PLCXD3: variants seen among roughly 807,000 people sequenced by gnomAD.
PLCXD3 encodes PI-PLC X domain-containing protein 3.
Under a neutral mutation model 25.5 loss-of-function variants are expected in PLCXD3, and 19 were observed. The observed-to-expected ratio is 0.75, with a 90% CI of 0.52 to 1.09. The LOEUF (loss-of-function observed/expected upper bound fraction) is 1.09, where lower values mean the gene tolerates loss of function less well. Among genes scored for constraint, PLCXD3 ranks in the 50% least tolerant of loss-of-function variants. The pLI, the probability that PLCXD3 is intolerant of heterozygous loss-of-function variation, is 0.00. For synonymous variants in PLCXD3, 174 were observed against 137.6 expected, an observed-to-expected ratio of 1.26 and a Z score of -1.85; for missense variants, 411 against 388.1, an observed-to-expected ratio of 1.06 and a Z score of -0.50.
chr5:41,484,315 T>G (rs1486834808), intron 1 of PLCXD3, among the ~76,000 whole-genome samples: 1 of 151,938 alleles, frequency 6.6e-6, no homozygotes. Flanking sequence ...CATTGAACAA[T>G]TTGGACCAAA....
At chr5:41,349,565 G>C (rs1744394263) in intron 2 of PLCXD3, among the ~76,000 whole-genome samples, 1 of 152,160 alleles carries the variant, frequency 6.6e-6, no homozygotes, top group African/African-American at 2.4e-5. Context: ...CTTCATGCAG[G>C]ATGTGGAGTT....
chr5:41,376,275 G>A (rs142768861), intron 2 of PLCXD3, among the ~76,000 whole-genome samples: 3 of 152,022 alleles, frequency 2.0e-5, no homozygotes, highest in Non-Finnish European at 4.4e-5. Context: ...GTCAAACCAT[G>A]TCAGCAATTT....
At chr5:41,493,913 C>A (rs1748768687) in intron 1 of PLCXD3, among the ~76,000 whole-genome samples, 1 of 152,234 alleles carries the variant, frequency 6.6e-6, no homozygotes, top group African/African-American at 2.4e-5. Context: ...CCTCGCCCTG[C>A]TTCGGCTCGC....
In PLCXD3 at chr5:41,312,713, C is replaced by CTTCCTTCG. The variant is rs1743169964; in HGVS notation, c.*903_*904insCGAAGGAA. 2 of 146,110 alleles carry CTTCCTTCG rather than the reference C, an allele frequency of 1.4e-5. No homozygotes were observed. The highest frequency in any genetic ancestry group is 4.4e-4 in the South Asian group (2 of 4,550). The allele number at this position is 146,110 out of a possible 1,614,324, so 9.1% of individuals were successfully genotyped here. ...CCTTCCTTCCTTCCTTCCTTCCTTCCTTCCTTCCTTCCTTCCTTCCTTCTG... is the reference window on the plus strand; with the variant it reads ...CCTTCCTTCCTTCCTTCCTTCCTTCCTTCCTTCGTTCCTTCCTTCCTTCCTTCCTTCTG... On this transcript the variant is annotated 3_prime_UTR_variant, in exon 3 of 3. Coordinates refer to ENST00000377801, the MANE Select transcript of PLCXD3 (RefSeq NM_001005473.3).
chr5:41,463,607 C>T (rs375937003), intron 1 of PLCXD3, among the ~76,000 whole-genome samples: 1 of 152,028 alleles, frequency 6.6e-6, no homozygotes, highest in South Asian at 2.1e-4. Flanking sequence ...TATTTTCTTT[C>T]CATTACTAAT....
intron 2 of PLCXD3, among the ~76,000 whole-genome samples, chr5:41,376,742 G>A (rs1197210051): frequency 2.0e-5 from 3 of 152,014 alleles, no homozygotes; most frequent in Non-Finnish European, 4.4e-5. Flanking sequence ...TCTCCAATTT[G>A]TATTTAGGTA....
chr5:41,387,821 C>T (rs570600255), intron 1 of PLCXD3, among the ~76,000 whole-genome samples: 128 of 152,190 alleles, frequency 8.4e-4, no homozygotes, highest in African/African-American at 2.8e-3. Flanking sequence ...TTCTCATCCT[C>T]ATAAATTTAC....
intron 2 of PLCXD3, among the ~76,000 whole-genome samples, chr5:41,322,512 A>C (rs1354616121): frequency 6.6e-6 from 1 of 152,204 alleles, no homozygotes; most frequent in Non-Finnish European, 1.5e-5. Flanking sequence ...TTCTTCAAAA[A>C]ACTGAAAATC....
At chr5:41,446,490 A>G (rs891847945) in intron 1 of PLCXD3, among the ~76,000 whole-genome samples, 2 of 152,090 alleles carry the variant, frequency 1.3e-5, no homozygotes, top group Non-Finnish European at 2.9e-5. Context: ...CATACTGGCA[A>G]ATGTAGCCTA....
At chr5:41,328,475 G>A (rs1014039407) in intron 2 of PLCXD3, among the ~76,000 whole-genome samples, 2 of 152,226 alleles carry the variant, frequency 1.3e-5, no homozygotes, top group African/African-American at 4.8e-5. Flanking sequence ...ATTTGGGGAA[G>A]TATTCTTGGA....
At chr5:41,367,357 T>C (rs906977130) in intron 2 of PLCXD3, among the ~76,000 whole-genome samples, 3 of 152,202 alleles carry the variant, frequency 2.0e-5, no homozygotes, top group Non-Finnish European at 2.9e-5. Flanking sequence ...TGGTATCTCA[T>C]TGTGGTTTTG....
intron 2 of PLCXD3, among the ~76,000 whole-genome samples, chr5:41,355,052 T>C (rs1299825080): frequency 6.6e-6 from 1 of 152,184 alleles, no homozygotes; most frequent in African/African-American, 2.4e-5. Flanking sequence ...AAATCTTCCA[T>C]CTGAATATAG....
At chr5:41,400,609 T>A (rs1391820863) in intron 1 of PLCXD3, among the ~76,000 whole-genome samples, 2 of 152,032 alleles carry the variant, frequency 1.3e-5, no homozygotes, top group Non-Finnish European at 2.9e-5. Flanking sequence ...CACTGCATGT[T>A]CTTACTTGTA....
chr5:41,336,576 C>G lies in PLCXD3; in HGVS notation c.813-22806G>C, dbSNP rs143783688. On this transcript the variant is annotated intron_variant, in intron 2 of 2. Coordinates refer to ENST00000377801, the MANE Select transcript of PLCXD3 (RefSeq NM_001005473.3). ...TGATGAGCCTCCCAGAGCTTCCCTT[C>G]CAGATGGAGAGTGCTCATTCTTCTA... 4.5e-3 allele frequency among the ~76,000 whole-genome samples: 686 copies of G among 152,250 alleles called. 6 individuals carry two copies. Among genetic ancestry groups the G allele is most frequent in the African/African-American group, 0.015 (641 of 41,570 alleles).
intron 2 of PLCXD3, among the ~76,000 whole-genome samples, chr5:41,352,308 A>G (rs1744485602): frequency 1.3e-5 from 2 of 152,268 alleles, no homozygotes; most frequent in Non-Finnish European, 2.9e-5. Context: ...TCCGACTTGC[A>G]TATAGTATTC....
chr5:41,365,094 G>C (rs1171527480), intron 2 of PLCXD3, among the ~76,000 whole-genome samples: 1 of 152,122 alleles, frequency 6.6e-6, no homozygotes, highest in Non-Finnish European at 1.5e-5. Context: ...TCTGTGGCTG[G>C]ATCTTTCAAG....
At chr5:41,328,300 G>T (rs1358748601) in intron 2 of PLCXD3, among the ~76,000 whole-genome samples, 2 of 152,180 alleles carry the variant, frequency 1.3e-5, no homozygotes, top group East Asian at 3.8e-4. Flanking sequence ...TCAATTCACT[G>T]CTTCAGTAGG....
chr5:41,476,085 G>A (rs979571640), intron 1 of PLCXD3, among the ~76,000 whole-genome samples: 11 of 152,134 alleles, frequency 7.2e-5, no homozygotes, highest in Admixed American at 2.6e-4. Context: ...CATAAATCCA[G>A]GCAAGTACTG....
At chr5:41,403,958 ACTTTT>A (rs1746278824) in intron 1 of PLCXD3, among the ~76,000 whole-genome samples, 1 of 152,142 alleles carries the variant, frequency 6.6e-6, no homozygotes, top group South Asian at 2.1e-4. Context: ...TGATAATTTA[ACTTTT>A]CTTTTTAAAA....
Sources: gnomAD v4.1 joint callset for allele counts (sites outside exome capture counted in the v4.1 genomes callset) on GRCh38, gnomAD v4.1.1 for gene constraint, MANE v1.5 for transcripts, NCBI Gene and HGNC (gene_info 2026-07-23, HGNC 2026-07-21) for gene names.